DDX10: variants seen among roughly 807,000 people sequenced by gnomAD.
DDX10 encodes probable ATP-dependent RNA helicase DDX10.
Under a neutral mutation model 104.3 loss-of-function variants are expected in DDX10, and 74 were observed. The ratio of observed to expected loss-of-function variants is 0.71; its 90% CI spans 0.59 to 0.86. The LOEUF is 0.86. Ranked by LOEUF, DDX10 falls within the 40% of genes least tolerant of loss-of-function variation. DDX10 has a pLI of 0.00. For missense variants in DDX10, 952 were observed against 1,040.0 expected, an observed-to-expected ratio of 0.92 and a Z score of 1.16; for synonymous variants, 351 against 353.4, an observed-to-expected ratio of 0.99 and a Z score of 0.08.
intron 6 of DDX10, among the ~76,000 whole-genome samples, chr11:108,686,771 AGTT>A (rs1225260442): frequency 6.6e-6 from 1 of 152,138 alleles, no homozygotes; most frequent in Non-Finnish European, 1.5e-5. Context: ...GGAACGTGAT[AGTT>A]GGGTCAGGTA....
intron 16 of DDX10, among the ~76,000 whole-genome samples, chr11:108,902,010 T>C (rs934316427): frequency 6.6e-6 from 1 of 152,206 alleles, no homozygotes; most frequent in African/African-American, 2.4e-5. Context: ...AGGACTGTAT[T>C]GTTCTTTGTG....
At chr11:108,755,199 TAATC>T (rs1257005472) in intron 13 of DDX10, among the ~76,000 whole-genome samples, 8 of 152,154 alleles carry the variant, frequency 5.3e-5, no homozygotes, top group Admixed American at 2.0e-4. Context: ...AACGTGCTCT[TAATC>T]AACACTAAAG....
intron 13 of DDX10, among the ~76,000 whole-genome samples, chr11:108,724,065 G>C (rs756182564): frequency 2.6e-5 from 4 of 151,970 alleles, no homozygotes; most frequent in Non-Finnish European, 5.9e-5. Flanking sequence ...TGCTTTTGTA[G>C]GTGCACAGTA....
intron 13 of DDX10, among the ~76,000 whole-genome samples, chr11:108,835,196 C>G (rs149431310): frequency 6.6e-6 from 1 of 152,060 alleles, no homozygotes; most frequent in Non-Finnish European, 1.5e-5. Flanking sequence ...GTTTTACCAC[C>G]GCACAGCTTA....
chr11:108,792,499 C>T (rs1245042882), intron 13 of DDX10, among the ~76,000 whole-genome samples: 1 of 152,148 alleles, frequency 6.6e-6, no homozygotes, highest in Non-Finnish European at 1.5e-5. Flanking sequence ...GTTTTAGCAA[C>T]ATTTATTGAA....
chr11:108,773,795 T>TA (rs1344385358), intron 13 of DDX10, among the ~76,000 whole-genome samples: 8 of 152,248 alleles, frequency 5.3e-5, no homozygotes, highest in African/African-American at 7.2e-5. Flanking sequence ...ACTAATGTTT[T>TA]AAAAAAACTC....
chr11:108,691,446 G>A (rs969839204), intron 7 of DDX10, among the ~76,000 whole-genome samples: 42 of 152,060 alleles, frequency 2.8e-4, no homozygotes, highest in African/African-American at 8.0e-4. Context: ...TATTTACAAT[G>A]TTTTTATTTA....
intron 13 of DDX10, among the ~76,000 whole-genome samples, chr11:108,787,532 T>A (rs1370429065): frequency 1.3e-5 from 2 of 152,144 alleles, no homozygotes; most frequent in East Asian, 1.9e-4. Flanking sequence ...AGTGGTGTTT[T>A]TTTTAATTTT....
intron 13 of DDX10, among the ~76,000 whole-genome samples, chr11:108,753,597 G>A (rs1282879068): frequency 6.6e-6 from 1 of 151,938 alleles, no homozygotes; most frequent in Non-Finnish European, 1.5e-5. Context: ...CTCTGTTCAC[G>A]AATTCCTGGT....
chr11:108,791,203 C>T (rs1429301066), intron 13 of DDX10, among the ~76,000 whole-genome samples: 1 of 152,204 alleles, frequency 6.6e-6, no homozygotes, highest in Admixed American at 6.5e-5. Context: ...GGAAAAAGCC[C>T]ACCAATACCT....
intron 13 of DDX10, among the ~76,000 whole-genome samples, chr11:108,831,421 CAAA>C (rs779264219): frequency 4.3e-5 from 3 of 69,824 alleles, no homozygotes; most frequent in South Asian, 1.2e-3. Flanking sequence ...GAGACTGTCT[CAAA>C]AAAAAAAAAA....
chr11:108,874,898 A>G (rs1427969630), intron 16 of DDX10, among the ~76,000 whole-genome samples: 1 of 152,184 alleles, frequency 6.6e-6, no homozygotes, highest in Non-Finnish European at 1.5e-5. Context: ...AGGCTCTGGA[A>G]TCAGAATGTC....
intron 13 of DDX10, among the ~76,000 whole-genome samples, chr11:108,742,732 AC>A (rs2094326798): frequency 6.6e-6 from 1 of 152,228 alleles, no homozygotes; most frequent in Admixed American, 6.5e-5. Context: ...CTACAGAGAT[AC>A]AAAAAACCCT....
chr11:108,766,600 T>G (rs1222251192), intron 13 of DDX10, among the ~76,000 whole-genome samples: 1 of 152,094 alleles, frequency 6.6e-6, no homozygotes. Flanking sequence ...AACTTGGGAG[T>G]GAGTTTTATT....
At chr11:108,793,774 G>A (rs1002828846) in intron 13 of DDX10, among the ~76,000 whole-genome samples, 5 of 151,758 alleles carry the variant, frequency 3.3e-5, no homozygotes, top group Admixed American at 6.6e-5. Flanking sequence ...CTATCTAACC[G>A]TATGTTTGTA....
chr11:108,699,165 T>C (rs1267005055), intron 9 of DDX10, among the ~76,000 whole-genome samples: 1 of 148,616 alleles, frequency 6.7e-6, no homozygotes, highest in East Asian at 2.1e-4. Context: ...ACCTGACATG[T>C]AGTAGACTAC....
At chr11:108,744,366 T>C (rs1362516615) in intron 13 of DDX10, among the ~76,000 whole-genome samples, 1 of 152,198 alleles carries the variant, frequency 6.6e-6, no homozygotes, top group Non-Finnish European at 1.5e-5. Flanking sequence ...GCTGGACTAC[T>C]TAGAACCCCA....
Position 108,940,455 on chromosome 11 carries a change from C to T in DDX10, c.*32C>T, listed in dbSNP as rs749690763. ...CCTGCGCCTGCCTTCTCCTTGAAAC[C>T]TTGGTTATGACTGCGTAGGCAAGAA... On this transcript the variant is annotated 3_prime_UTR_variant, in exon 18 of 18. Coordinates refer to ENST00000322536, the MANE Select transcript of DDX10 (RefSeq NM_004398.4). 1 of 1,606,380 alleles carries T rather than the reference C, an allele frequency of 6.2e-7. No homozygotes were observed. The highest frequency in any genetic ancestry group is 8.5e-7 in the Non-Finnish European group (1 of 1,176,534).
intron 13 of DDX10, among the ~76,000 whole-genome samples, chr11:108,767,036 T>C (rs1458865713): frequency 2.0e-5 from 3 of 152,162 alleles, no homozygotes; most frequent in African/African-American, 7.2e-5. Flanking sequence ...ACTTTTGGGG[T>C]ACCAGCTGTT....
Sources: allele counts gnomAD v4.1 joint callset (sites outside exome capture counted in the v4.1 genomes callset), GRCh38; gene constraint gnomAD v4.1.1; transcripts MANE v1.5; gene names NCBI Gene and HGNC (gene_info 2026-07-23, HGNC 2026-07-21).